The following ATAD1 variants were observed in gnomAD, a reference collection of about 807,000 sequenced individuals.
ATAD1 encodes the protein outer mitochondrial transmembrane helix translocase.
In ATAD1, 18 loss-of-function variants were observed where a neutral mutation model predicts 42.7. That is an observed-to-expected ratio of 0.42 (90% confidence interval 0.29 to 0.63). The LOEUF (loss-of-function observed/expected upper bound fraction) is 0.63. ATAD1 is among the 20% of genes least tolerant of loss of function. The probability of loss-of-function intolerance (pLI) is 0.19; values close to 1 mark genes in which losing one functional copy is unlikely to be tolerated. For synonymous variants in ATAD1, 132 were observed against 143.1 expected, an observed-to-expected ratio of 0.92 and a Z score of 0.55; for missense variants, 294 against 440.4, an observed-to-expected ratio of 0.67 and a Z score of 2.98.
At chr10:87,798,874 G>A (rs1255304612) in intron 2 of ATAD1, among the ~76,000 whole-genome samples, 1 of 151,974 alleles carries the variant, frequency 6.6e-6, no homozygotes, top group Non-Finnish European at 1.5e-5. Flanking sequence ...AGAATTTGAA[G>A]TCTATGGTAG....
chr10:87,790,628 C>T (rs1476616515), intron 3 of ATAD1, among the ~76,000 whole-genome samples, 198 bp from the exon 4 acceptor site: 2 of 152,108 alleles, frequency 1.3e-5, no homozygotes, highest in Non-Finnish European at 2.9e-5. Flanking sequence ...ATTTAATAGT[C>T]AACTATCTAC....
chr10:87,754,153 C>T lies in ATAD1; in HGVS notation c.*534G>A, dbSNP rs1854121090. On this transcript the variant is annotated 3_prime_UTR_variant, in exon 10 of 10. Transcript: ENST00000680024. The stretch of plus-strand genomic sequence containing the variant: ...AATGGAAATGGCTGAATCACTGTAC[C>T]TTTTTGACACAACCTTAAATCTTAG... 6.6e-6 allele frequency: 1 copy of T among 152,570 alleles called. No homozygotes were observed. The highest frequency in any genetic ancestry group is 6.5e-5 in the Admixed American group (1 of 15,276). The allele number at this position is 152,570 out of a possible 1,614,324, so 9.5% of individuals were successfully genotyped here. A position where few individuals can be genotyped will look rare whatever the true frequency, so the allele number is the denominator to read the frequency against.
intron 1 of ATAD1, among the ~76,000 whole-genome samples, chr10:87,838,461 CAAA>C (rs770282016): frequency 0.14 from 5,656 of 41,386 alleles, 61 homozygotes; most frequent in Middle Eastern, 0.16. Context: ...GACTCTATCT[CAAA>C]AAAAAAAAAA....
At chr10:87,778,358 T>C (rs2131850571) in intron 5 of ATAD1, among the ~76,000 whole-genome samples, 1 of 150,648 alleles carries the variant, frequency 6.6e-6, no homozygotes, top group South Asian at 2.1e-4. Context: ...GATCAAAAAA[T>C]AGAAAATGAC....
At position 87,783,380 on chromosome 10, in the gene ATAD1, A is replaced by G. The variant is rs183751388; in HGVS notation, c.583+1090T>C. Among the ~76,000 whole-genome samples, 383 of 151,216 alleles carry G rather than the reference A, an allele frequency of 2.5e-3. 2 individuals are homozygous for G. Among genetic ancestry groups the G allele is most frequent in the South Asian group, 6.0e-3 (29 of 4,810 alleles). On this transcript the variant is annotated intron_variant, in intron 5 of 9. Coordinates refer to ENST00000680024, the MANE Select transcript of ATAD1 (RefSeq NM_001321967.2). ...GAGTGAGATGCTGTCTTAAAAAAAA[A>G]CAAAAACAAAATAAACTAGCTATAT...
intron 8 of ATAD1, among the ~76,000 whole-genome samples, chr10:87,764,925 C>T (rs561897462): frequency 1.5e-4 from 23 of 151,934 alleles, no homozygotes; most frequent in African/African-American, 4.6e-4. Context: ...GAAATTCATA[C>T]GATCTTGAGT....
chr10:87,798,810 C>CAAATTA (rs1856541615), intron 2 of ATAD1, among the ~76,000 whole-genome samples: 1 of 151,862 alleles, frequency 6.6e-6, no homozygotes, highest in South Asian at 2.1e-4. Context: ...CTTTAACATG[C>CAAATTA]AAATTAAAGG....
chr10:87,767,941 G>A (rs991314804), intron 7 of ATAD1, among the ~76,000 whole-genome samples: 3 of 151,978 alleles, frequency 2.0e-5, no homozygotes, highest in African/African-American at 7.3e-5. Context: ...CATCCCCAGT[G>A]CCTAGTACAA....
intron 2 of ATAD1, among the ~76,000 whole-genome samples, chr10:87,794,844 T>G (rs182561583): frequency 0.019 from 2,849 of 152,322 alleles, 80 homozygotes; most frequent in African/African-American, 0.064. Context: ...TAATGTTTAG[T>G]TTACATAGAG....
At chr10:87,827,611 T>C (rs1291672360) in intron 1 of ATAD1, among the ~76,000 whole-genome samples, 1 of 152,198 alleles carries the variant, frequency 6.6e-6, no homozygotes, top group Non-Finnish European at 1.5e-5. Flanking sequence ...GTGATTGTTC[T>C]GGGCACCACA....
intron 2 of ATAD1, among the ~76,000 whole-genome samples, chr10:87,801,309 CA>C: frequency 6.6e-6 from 1 of 152,116 alleles, no homozygotes; most frequent in Admixed American, 6.5e-5. Context: ...ACAAACTTTC[CA>C]AAATCAAATG....
At chr10:87,761,009 T>C (rs1027094237) in intron 8 of ATAD1, among the ~76,000 whole-genome samples, 7 of 152,102 alleles carry the variant, frequency 4.6e-5, no homozygotes, top group African/African-American at 1.4e-4. Context: ...CACAGTATCA[T>C]TTCAAAAGCT....
In ATAD1 at chr10:87,799,409, A is replaced by G. The variant is rs1328490530; in HGVS notation, c.163-6654T>C. ...AACTTCTAATCTTGTGGCTTTAGGC[A>G]GTCTAGACCATAGTCAGTAAGGTTT... On this transcript the variant is annotated intron_variant, in intron 2 of 9. Transcript: ENST00000680024. Among the ~76,000 whole-genome samples, 4 of 152,224 alleles carry G rather than the reference A, an allele frequency of 2.6e-5. No homozygotes were observed. The East Asian group carries it at 7.7e-4, about 29-fold the overall frequency.
intron 8 of ATAD1, among the ~76,000 whole-genome samples, chr10:87,762,890 G>A (rs1854550257): frequency 8.7e-6 from 1 of 114,588 alleles, no homozygotes; most frequent in African/African-American, 3.3e-5. Context: ...TCAACATGGT[G>A]AAACCCCGTC....
chr10:87,820,516 C>T (rs1409178100), upstream of ATAD1, among the ~76,000 whole-genome samples: 1 of 152,124 alleles, frequency 6.6e-6, no homozygotes, highest in Non-Finnish European at 1.5e-5. Flanking sequence ...TAGAGACATC[C>T]TAAATGAATC....
At chr10:87,791,349 G>GGCACTTGTCCTGAAAGGAC (rs1856101480) in intron 3 of ATAD1, among the ~76,000 whole-genome samples, 1 of 151,892 alleles carries the variant, frequency 6.6e-6, no homozygotes, top group Non-Finnish European at 1.5e-5. Flanking sequence ...CCTGAAAGGA[G>GGCACTTGTCCTGAAAGGAC]CTGGAGTTGG....
At chr10:87,766,052 AC>A (rs1436354163) in intron 8 of ATAD1, among the ~76,000 whole-genome samples, 1 of 151,486 alleles carries the variant, frequency 6.6e-6, no homozygotes, top group East Asian at 1.9e-4. Flanking sequence ...AAGAAAAAAA[AC>A]AAAAACAAAA....
intron 1 of ATAD1, among the ~76,000 whole-genome samples, chr10:87,830,943 T>A (rs1190439319): frequency 6.6e-6 from 1 of 152,222 alleles, no homozygotes; most frequent in Non-Finnish European, 1.5e-5. Flanking sequence ...AAAGGAATAC[T>A]GAATGTTATT....
chr10:87,763,080 C>A (rs868117214), intron 8 of ATAD1, among the ~76,000 whole-genome samples: 6,456 of 26,544 alleles, frequency 0.24, 888 homozygotes, highest in Non-Finnish European at 0.32. Context: ...GACTCTGTCA[C>A]AAAAAAAAAA....
Sources: allele counts gnomAD v4.1 joint callset (sites outside exome capture counted in the v4.1 genomes callset), GRCh38; gene constraint gnomAD v4.1.1; transcripts MANE v1.5; gene names NCBI Gene and HGNC (gene_info 2026-07-23, HGNC 2026-07-21).